The following KCNH8 variants were observed in gnomAD, a reference collection of about 807,000 sequenced individuals.
The protein encoded by KCNH8 is potassium voltage-gated channel subfamily H member 8, also known as voltage-gated delayed rectifier potassium channel KCNH8.
A neutral mutation model predicts 103.6 loss-of-function variants in KCNH8; 70 were observed. That is an observed-to-expected ratio of 0.68 (90% CI 0.56 to 0.82). KCNH8 has a LOEUF of 0.82. Ranked by LOEUF, KCNH8 falls within the 40% of genes least tolerant of loss-of-function variation. KCNH8 has a pLI of 0.00. For synonymous variants in KCNH8, 498 were observed against 489.4 expected (o/e 1.02, Z -0.23); for missense variants, 1,217 against 1,329.9 (o/e 0.92, Z 1.32).
intron 3 of KCNH8, among the ~76,000 whole-genome samples, chr3:19,294,165 A>T (rs1280547482): frequency 1.3e-5 from 2 of 151,794 alleles, no homozygotes; most frequent in Non-Finnish European, 2.9e-5. Flanking sequence ...GTTCTTTTTG[A>T]CTCTTCTGTT....
intron 5 of KCNH8, among the ~76,000 whole-genome samples, chr3:19,376,324 G>T (rs554456354): frequency 4.6e-5 from 7 of 152,202 alleles, no homozygotes; most frequent in African/African-American, 1.7e-4. Context: ...GAAGCCGGTC[G>T]GAAAAGCGCA....
At chr3:19,485,214 C>T (rs1460967710) in intron 11 of KCNH8, among the ~76,000 whole-genome samples, 2 of 152,108 alleles carry the variant, frequency 1.3e-5, no homozygotes, top group East Asian at 1.9e-4. Context: ...GAGAAGCACA[C>T]GGGTTACTTC....
intron 1 of KCNH8, among the ~76,000 whole-genome samples, chr3:19,187,959 A>G (rs1402750016): frequency 6.6e-6 from 1 of 152,064 alleles, no homozygotes; most frequent in Non-Finnish European, 1.5e-5. Flanking sequence ...TGTAACCACT[A>G]TACACGTACC....
chr3:19,394,173 G>A (rs2066479717), intron 6 of KCNH8, among the ~76,000 whole-genome samples: 2 of 151,974 alleles, frequency 1.3e-5, no homozygotes, highest in South Asian at 4.1e-4. Context: ...GAAATTAAAG[G>A]TGACATCAAG....
At chr3:19,182,733 C>T (rs992572039) in intron 1 of KCNH8, among the ~76,000 whole-genome samples, 3 of 151,952 alleles carry the variant, frequency 2.0e-5, no homozygotes, top group South Asian at 4.1e-4. Flanking sequence ...TATGAGTGAG[C>T]GTAAGTAAGA....
intron 8 of KCNH8, among the ~76,000 whole-genome samples, chr3:19,441,975 T>C (rs1174227544): frequency 6.6e-6 from 1 of 152,192 alleles, no homozygotes; most frequent in Non-Finnish European, 1.5e-5. Context: ...GTTTTAATGA[T>C]ACCAGGCAGT....
intron 1 of KCNH8, among the ~76,000 whole-genome samples, chr3:19,238,907 T>TA: frequency 6.6e-6 from 1 of 152,338 alleles, no homozygotes; most frequent in South Asian, 2.1e-4. Flanking sequence ...ATAGTAGCTT[T>TA]AATTTTTACT....
chr3:19,225,083 T>C (rs2063915662), intron 1 of KCNH8, among the ~76,000 whole-genome samples: 1 of 152,134 alleles, frequency 6.6e-6, no homozygotes, highest in Non-Finnish European at 1.5e-5. Context: ...GGACAAAGGC[T>C]GTAGTCAAAA....
At chr3:19,370,210 A>T (rs1252432641) in intron 5 of KCNH8, among the ~76,000 whole-genome samples, 4 of 151,972 alleles carry the variant, frequency 2.6e-5, no homozygotes, top group African/African-American at 9.7e-5. Context: ...TTCCCATAAC[A>T]TTCATCTCAT....
chr3:19,210,093 A>G (rs1272071660), intron 1 of KCNH8, among the ~76,000 whole-genome samples: 1 of 152,058 alleles, frequency 6.6e-6, no homozygotes, highest in Non-Finnish European at 1.5e-5. Context: ...GGCAGTCTGC[A>G]AGATCTCTTC....
chr3:19,336,256 T>C (rs1477010673), intron 3 of KCNH8, among the ~76,000 whole-genome samples: 1 of 151,786 alleles, frequency 6.6e-6, no homozygotes, highest in Non-Finnish European at 1.5e-5. Context: ...ATTATTTCTT[T>C]TTAAAAACAG....
At chr3:19,359,482 T>A (rs1417624353) in intron 5 of KCNH8, among the ~76,000 whole-genome samples, 1 of 151,968 alleles carries the variant, frequency 6.6e-6, no homozygotes, top group Non-Finnish European at 1.5e-5. Context: ...CTATAGGAGA[T>A]TTGAAAAACG....
At chr3:19,344,086 A>G (rs1426257781) in intron 4 of KCNH8, among the ~76,000 whole-genome samples, 1 of 151,848 alleles carries the variant, frequency 6.6e-6, no homozygotes, top group African/African-American at 2.4e-5. Context: ...GAGGCTTGAA[A>G]CAGTGCACAC....
At chr3:19,390,922 A>G (rs1342062136) in intron 6 of KCNH8, among the ~76,000 whole-genome samples, 3 of 152,146 alleles carry the variant, frequency 2.0e-5, no homozygotes, top group Admixed American at 6.5e-5. Context: ...TTCTTTAATA[A>G]GGAAATCATC....
rs572533082 is a variant in KCNH8, at chr3:19,265,620, GT to G, written c.310+11736del. On this transcript the variant is annotated intron_variant, in intron 2 of 15. Coordinates refer to ENST00000328405, the MANE Select transcript of KCNH8 (RefSeq NM_144633.3). The stretch of plus-strand genomic sequence containing the variant: ...ACTTTGAACCCTGGCCTGTGGGCTG[GT>G]TTCTAGTTTTCCCTTACCTTATCAG... Among the ~76,000 whole-genome samples, 11 of 151,984 alleles carry G rather than the reference GT, an allele frequency of 7.2e-5. No homozygotes were observed. In the South Asian group the frequency reaches 2.3e-3, roughly 32 times the overall value.
chr3:19,374,745 G>T (rs1217713276), intron 5 of KCNH8, among the ~76,000 whole-genome samples: 1 of 152,100 alleles, frequency 6.6e-6, no homozygotes, highest in Non-Finnish European at 1.5e-5. Flanking sequence ...GCTGGTACTA[G>T]TTGTTCCTTT....
chr3:19,344,023 C>G lies in KCNH8; in HGVS notation c.570+1309C>G, dbSNP rs572308040. Among the ~76,000 whole-genome samples, 198 of 146,028 alleles carry G rather than the reference C, an allele frequency of 1.4e-3. 1 individual carries two copies. The highest frequency in any genetic ancestry group is 4.9e-3 in the African/African-American group (191 of 39,252). On this transcript the variant is annotated intron_variant, in intron 4 of 15. Coordinates refer to ENST00000328405, the MANE Select transcript of KCNH8 (RefSeq NM_144633.3). ...TTGGTCCTAATTCAATATAAAGTTT[C>G]TCTAGGGATACCTGTGCCTTAGTGT... is the stretch of plus-strand genomic sequence containing the variant.
intron 11 of KCNH8, among the ~76,000 whole-genome samples, chr3:19,490,904 C>T (rs1294772353): frequency 6.6e-6 from 1 of 152,154 alleles, no homozygotes; most frequent in Non-Finnish European, 1.5e-5. Context: ...GAAAGCTACT[C>T]AAGACATTCT....
intron 1 of KCNH8, among the ~76,000 whole-genome samples, chr3:19,241,381 TTG>T (rs2064139015): frequency 6.6e-6 from 1 of 152,148 alleles, no homozygotes. Context: ...GAGAGGTGAC[TTG>T]AGCATGATCA....
Sources: gnomAD v4.1 joint callset for allele counts (sites outside exome capture counted in the v4.1 genomes callset) on GRCh38, gnomAD v4.1.1 for gene constraint, MANE v1.5 for transcripts, NCBI Gene and HGNC (gene_info 2026-07-23, HGNC 2026-07-21) for gene names.